CFAP77: variants seen among roughly 807,000 people sequenced by gnomAD.
CFAP77 encodes the protein cilia- and flagella-associated protein 77.
CFAP77 carries 25 observed loss-of-function variants against 31.1 expected under a neutral mutation model. The observed-to-expected ratio is 0.80, with a 90% confidence interval of 0.59 to 1.12. CFAP77 has a LOEUF of 1.12. CFAP77 is among the 50% of genes most tolerant of loss of function. The probability of loss-of-function intolerance (pLI) is 0.00; values close to 1 mark genes in which losing one functional copy is unlikely to be tolerated. For synonymous variants in CFAP77, 151 were observed against 159.9 expected, an observed-to-expected ratio of 0.94 and a Z score of 0.42; for missense variants, 377 against 397.3, an observed-to-expected ratio of 0.95 and a Z score of 0.44.
rs190108599 is a variant in CFAP77 at position 132,505,702 on chromosome 9, C to T, written c.524+6102C>T. Among the ~76,000 whole-genome samples the T allele has an allele frequency of 1.9e-3, 284 of 152,242 alleles. 2 individuals are homozygous for T. The highest frequency in any genetic ancestry group is 2.8e-3 in the Non-Finnish European group (192 of 68,010). On this transcript the variant is annotated intron_variant, in intron 3 of 5. Transcript: ENST00000393216. Reference sequence around the variant, plus strand: ...ACAGAAGCCTGGGCAAGTGGATCTGCGCTCTGCCTGGCTCCTGGGGCTGGG... The same window carrying T: ...ACAGAAGCCTGGGCAAGTGGATCTGTGCTCTGCCTGGCTCCTGGGGCTGGG...
rs147732673 is a variant in CFAP77, at chr9:132,563,132, C to G, written c.733-9256C>G. ...CCTCCTGGGCTCAAGCAATCCTCCC[C>G]CTCAATCTCCTGAGTACCTGGGACC... On this transcript the variant is annotated intron_variant, in intron 5 of 5. Coordinates refer to ENST00000393216, the MANE Select transcript of CFAP77 (RefSeq NM_001282957.2). Among the ~76,000 whole-genome samples the G allele has an allele frequency of 3.6e-4, 55 of 152,128 alleles. 1 individual carries two copies. Among genetic ancestry groups the G allele is most frequent in the African/African-American group, 1.3e-3 (52 of 41,500 alleles).
Position 132,565,218 on chromosome 9 carries a change from T to C in CFAP77, c.733-7170T>C, listed in dbSNP as rs1342419774. ...ATGGCTCGCTTTCATTTCCTGGAAT[T>C]CACCCCCATTCCTCCTTTGCCCCTT... On this transcript the variant is annotated intron_variant, in intron 5 of 5. Coordinates refer to ENST00000393216, the MANE Select transcript of CFAP77 (RefSeq NM_001282957.2). The surrounding 1 kb of genome is among the most constrained non-coding windows in gnomAD (Gnocchi z 4.1). Among the ~76,000 whole-genome samples the C allele has an allele frequency of 6.6e-6, 1 of 151,698 alleles. No homozygotes were observed.
At chr9:132,487,052 G>A (rs926915547) in intron 1 of CFAP77, among the ~76,000 whole-genome samples, 1 of 152,254 alleles carries the variant, frequency 6.6e-6, no homozygotes, top group Non-Finnish European at 1.5e-5. Context: ...GCCTGAGGAC[G>A]CCTGGAGGGG....
intron 5 of CFAP77, among the ~76,000 whole-genome samples, chr9:132,563,079 G>C (rs1829842423): frequency 6.6e-6 from 1 of 152,042 alleles, no homozygotes; most frequent in African/African-American, 2.4e-5. Context: ...GAGTGCAGGG[G>C]TAAGATCATG....
At chr9:132,445,124 C>T (rs1270648224) in intron 1 of CFAP77, among the ~76,000 whole-genome samples, 6 of 152,140 alleles carry the variant, frequency 3.9e-5, no homozygotes, top group Admixed American at 1.3e-4. Context: ...TAGGCACGCA[C>T]CACCATGCCT....
At chr9:132,462,885 T>C (rs1343941966) in intron 1 of CFAP77, among the ~76,000 whole-genome samples, 2 of 152,180 alleles carry the variant, frequency 1.3e-5, no homozygotes, top group Non-Finnish European at 2.9e-5. Flanking sequence ...AGTTTATATA[T>C]ATTTTACAGA....
At chr9:132,568,914 G>T (rs569600919) in intron 5 of CFAP77, among the ~76,000 whole-genome samples, 1 of 152,132 alleles carries the variant, frequency 6.6e-6, no homozygotes, top group African/African-American at 2.4e-5. Context: ...TGCCTAGGCT[G>T]GTCTCTAACT....
intron 1 of CFAP77, among the ~76,000 whole-genome samples, chr9:132,458,344 G>GGGGGGT (rs1850961012): frequency 1.1e-5 from 1 of 92,480 alleles, no homozygotes; most frequent in Non-Finnish European, 2.4e-5. Flanking sequence ...CTCCCTGGCG[G>GGGGGGT]GGGAGGGGGG....
At chr9:132,523,583 C>T (rs534636803) in intron 3 of CFAP77, among the ~76,000 whole-genome samples, 6 of 152,364 alleles carry the variant, frequency 3.9e-5, no homozygotes, top group African/African-American at 1.2e-4. Context: ...ATGTGACCAG[C>T]TCAGTGAACA....
At chr9:132,506,382 G>T (rs968988954) in intron 3 of CFAP77, among the ~76,000 whole-genome samples, 1 of 152,088 alleles carries the variant, frequency 6.6e-6, no homozygotes, top group Non-Finnish European at 1.5e-5. Flanking sequence ...GCATGCCCTC[G>T]GCACATCTTA....
Position 132,499,840 on chromosome 9 carries a change from CAACA to C in CFAP77, c.524+245_524+248del, listed in dbSNP as rs1851813445. ...CACAGGTCACCCACTTTCCCTTGAT[CAACA>C]AACAGTGATTGAGACCTGTCCCTGG... On this transcript the variant is annotated intron_variant, in intron 3 of 5. Transcript: ENST00000393216. This position sits in a 1 kb window ranked among gnomAD's most constrained non-coding sequence, Gnocchi z 5.4. Among the ~76,000 whole-genome samples, 1 of 152,170 alleles carries C rather than the reference CAACA, an allele frequency of 6.6e-6. No homozygotes were observed. The highest frequency in any genetic ancestry group is 6.5e-5 in the Admixed American group (1 of 15,284).
At chr9:132,451,736 C>T (rs755066598) in intron 1 of CFAP77, among the ~76,000 whole-genome samples, 67 of 152,028 alleles carry the variant, frequency 4.4e-4, no homozygotes, top group Non-Finnish European at 9.4e-4. Context: ...GGCATCTCTC[C>T]ACCAGCCCTC....
At chr9:132,475,341 C>T (rs1240989957) in intron 1 of CFAP77, among the ~76,000 whole-genome samples, 1 of 152,178 alleles carries the variant, frequency 6.6e-6, no homozygotes, top group Non-Finnish European at 1.5e-5. Context: ...GACACTGGGC[C>T]TGAGCAGATG....
intron 1 of CFAP77, among the ~76,000 whole-genome samples, chr9:132,429,806 G>A (rs1044601137): frequency 3.9e-5 from 6 of 152,036 alleles, no homozygotes; most frequent in Non-Finnish European, 5.9e-5. Flanking sequence ...AGCTGAGATC[G>A]CGTCACTGCA....
chr9:132,445,901 A>C (rs1564206512), intron 1 of CFAP77, among the ~76,000 whole-genome samples: 1 of 151,698 alleles, frequency 6.6e-6, no homozygotes, highest in Non-Finnish European at 1.5e-5. Context: ...AAGAAAAAGA[A>C]AAACAAAATA....
intron 1 of CFAP77, among the ~76,000 whole-genome samples, chr9:132,415,394 A>G (rs1407810575): frequency 2.0e-5 from 3 of 152,302 alleles, no homozygotes; most frequent in East Asian, 3.9e-4. Context: ...TGGCCATTTC[A>G]GAAAGCCGAG....
chr9:132,483,326 C>CA (rs112204903), intron 1 of CFAP77, among the ~76,000 whole-genome samples: 5 of 151,626 alleles, frequency 3.3e-5, no homozygotes, highest in African/African-American at 1.2e-4. Context: ...CTCACCCTTC[C>CA]AAAGAGGCCT....
intron 3 of CFAP77, among the ~76,000 whole-genome samples, chr9:132,507,335 C>A (rs1237391733): frequency 6.6e-6 from 1 of 152,200 alleles, no homozygotes; most frequent in Admixed American, 6.5e-5. Context: ...TTGCCACGTG[C>A]AACCTGAGTA....
chr9:132,565,651 C>G lies in CFAP77; in HGVS notation c.733-6737C>G, dbSNP rs1829876498. Among the ~76,000 whole-genome samples, 1 of 152,122 alleles carries G rather than the reference C, an allele frequency of 6.6e-6. No individual in the cohort carries two copies. Among genetic ancestry groups the G allele is most frequent in the Non-Finnish European group, 1.5e-5 (1 of 67,984 alleles). On this transcript the variant is annotated intron_variant, in intron 5 of 5. Transcript: ENST00000393216. This position sits in a 1 kb window ranked among gnomAD's most constrained non-coding sequence, Gnocchi z 4.1. Reference sequence around the variant, plus strand: ...CTTCTTAAAAAAAAAAAGAAGATAGCTCTTGTCTAAATGTCACAAACAATC... The same window carrying G: ...CTTCTTAAAAAAAAAAAGAAGATAGGTCTTGTCTAAATGTCACAAACAATC...
Sources: allele counts gnomAD v4.1 joint callset (sites outside exome capture counted in the v4.1 genomes callset), GRCh38; gene constraint gnomAD v4.1.1; non-coding constraint Gnocchi (gnomAD v3.1); transcripts MANE v1.5; gene names NCBI Gene and HGNC (gene_info 2026-07-23, HGNC 2026-07-21).